The following MRM1 variants were observed in gnomAD, a reference collection of about 807,000 sequenced individuals.
MRM1 encodes the protein rRNA methyltransferase 1, mitochondrial.
A neutral mutation model predicts 25.0 loss-of-function variants in MRM1; 24 were observed. The observed-to-expected ratio is 0.96, with a 90% CI of 0.69 to 1.35. The LOEUF (loss-of-function observed/expected upper bound fraction) is 1.35, where lower values mean the gene tolerates loss of function less well. MRM1 is among the 40% of genes most tolerant of loss of function. The probability of loss-of-function intolerance (pLI) is 0.00; values close to 1 mark genes in which losing one functional copy is unlikely to be tolerated. For synonymous variants in MRM1, 188 were observed against 199.2 expected (o/e 0.94, Z 0.47); for missense variants, 431 against 464.1 (o/e 0.93, Z 0.65).
chr17:36,606,692 C>T (rs557388834), intron 2 of MRM1, among the ~76,000 whole-genome samples: 54 of 151,088 alleles, frequency 3.6e-4, no homozygotes, highest in African/African-American at 1.3e-3. Flanking sequence ...ACTGCAACCT[C>T]CGCCTCCCGG....
the MRM1 span, among the ~76,000 whole-genome samples, chr17:36,618,492 G>A: frequency 7.8e-3 from 1,195 of 152,262 alleles, 15 homozygotes; most frequent in African/African-American, 0.024. Context: ...GTCCCTGAGA[G>A]CATTTCAAGC....
At chr17:36,614,734 G>A in the MRM1 span, among the ~76,000 whole-genome samples, 1 of 152,036 alleles carries the variant, frequency 6.6e-6, no homozygotes. Flanking sequence ...CTCACAGGGG[G>A]TTAGCACAGT....
intron 2 of MRM1, among the ~76,000 whole-genome samples, chr17:36,603,822 A>C (rs557673797): frequency 2.6e-5 from 4 of 152,354 alleles, no homozygotes; most frequent in Admixed American, 2.6e-4. Flanking sequence ...AGTGGCTACT[A>C]TATTGAACAG....
chr17:36,603,457 A>C (rs563119653), intron 2 of MRM1: 129 of 155,304 alleles, frequency 8.3e-4, no homozygotes, highest in Non-Finnish European at 1.3e-3. Flanking sequence ...GCTGGAGTGC[A>C]GTGGTGCAAT....
At chr17:36,631,987 G>T in the MRM1 span, among the ~76,000 whole-genome samples, 1 of 152,076 alleles carries the variant, frequency 6.6e-6, no homozygotes, top group Non-Finnish European at 1.5e-5. Flanking sequence ...CCAAGCTACA[G>T]AACAACCCAG....
At chr17:36,612,987 G>T (rs2074985799), downstream of MRM1, among the ~76,000 whole-genome samples, 1 of 152,150 alleles carries the variant, frequency 6.6e-6, no homozygotes, top group Non-Finnish European at 1.5e-5. Context: ...GGGAACTGCT[G>T]GAGGGAGTTG....
At chr17:36,628,669 G>T in the MRM1 span, among the ~76,000 whole-genome samples, 1 of 152,182 alleles carries the variant, frequency 6.6e-6, no homozygotes, top group Non-Finnish European at 1.5e-5. Flanking sequence ...TGAGAGAGAT[G>T]AGGAGGATGA....
chr17:36,611,061 C>T (rs1466896774), downstream of MRM1, among the ~76,000 whole-genome samples: 4 of 152,082 alleles, frequency 2.6e-5, no homozygotes, highest in Non-Finnish European at 4.4e-5. Flanking sequence ...GTGATCTGCC[C>T]GCCTTGGCCT....
At chr17:36,619,603 G>A in the MRM1 span, among the ~76,000 whole-genome samples, 3 of 152,086 alleles carry the variant, frequency 2.0e-5, no homozygotes, top group African/African-American at 7.2e-5. Context: ...AGGAGGCGGA[G>A]GTTGCAGTGA....
At chr17:36,629,448 C>T in the MRM1 span, among the ~76,000 whole-genome samples, 1 of 152,200 alleles carries the variant, frequency 6.6e-6, no homozygotes, top group Admixed American at 6.5e-5. Flanking sequence ...GCCCATCATT[C>T]ACACTAGATG....
the MRM1 span, among the ~76,000 whole-genome samples, chr17:36,632,726 AATG>A: frequency 8.5e-5 from 13 of 152,178 alleles, no homozygotes; most frequent in Admixed American, 6.5e-4. Flanking sequence ...TCCCAGAGTA[AATG>A]TCCTTTCCAG....
downstream of MRM1, among the ~76,000 whole-genome samples, chr17:36,612,356 G>T (rs1419462976): frequency 2.0e-5 from 3 of 152,188 alleles, no homozygotes; most frequent in Non-Finnish European, 2.9e-5. Flanking sequence ...ACACACACAG[G>T]TGTGTGCTAA....
In MRM1 at chr17:36,604,997, G is replaced by C. The variant is rs145705863; in HGVS notation, c.636+2351G>C. 2.1e-3 allele frequency among the ~76,000 whole-genome samples: 319 copies of C among 152,038 alleles called. 2 individuals carry two copies. Among genetic ancestry groups the C allele is most frequent in the Middle Eastern group, 0.01 (3 of 292 alleles). ...TCTACTAAAAATACAAAAATTACCT[G>C]GGCATGGTGGCGGGCACTTGTAATC... On this transcript the variant is annotated intron_variant, in intron 2 of 4. Transcript: ENST00000614766.
At chr17:36,615,675 T>C in the MRM1 span, among the ~76,000 whole-genome samples, 1 of 138,024 alleles carries the variant, frequency 7.2e-6, no homozygotes, top group Non-Finnish European at 1.6e-5. Flanking sequence ...AAAAAAAAAA[T>C]TCATGGGCTA....
chr17:36,617,684 C>T, the MRM1 span, among the ~76,000 whole-genome samples: 1 of 152,190 alleles, frequency 6.6e-6, no homozygotes, highest in Non-Finnish European at 1.5e-5. Flanking sequence ...TCATGAGCCA[C>T]TGCGCCTGGC....
At chr17:36,630,296 G>T in the MRM1 span, among the ~76,000 whole-genome samples, 1 of 152,156 alleles carries the variant, frequency 6.6e-6, no homozygotes, top group African/African-American at 2.4e-5. Flanking sequence ...TCCAAAAGGG[G>T]CCTCCAAACC....
chr17:36,609,873 C>G (rs893339499), downstream of MRM1, among the ~76,000 whole-genome samples: 1 of 152,234 alleles, frequency 6.6e-6, no homozygotes. Context: ...TGTCTCAATT[C>G]TAATAATGGC....
chr17:36,620,934 C>T, the MRM1 span, among the ~76,000 whole-genome samples: 1 of 152,186 alleles, frequency 6.6e-6, no homozygotes, highest in Non-Finnish European at 1.5e-5. Context: ...GCAGGCAGAA[C>T]GGAAGAAACA....
At chr17:36,634,128 C>T in the MRM1 span, 1 of 152,242 alleles carries the variant, frequency 6.6e-6, no homozygotes, top group Non-Finnish European at 1.5e-5. Flanking sequence ...CTACATCCTC[C>T]ATGGAGAATC....
Sources: gnomAD v4.1 joint callset for allele counts (sites outside exome capture counted in the v4.1 genomes callset) on GRCh38, gnomAD v4.1.1 for gene constraint, MANE v1.5 for transcripts, NCBI Gene and HGNC (gene_info 2026-07-23, HGNC 2026-07-21) for gene names.